NELL1: variants seen among roughly 807,000 people sequenced by gnomAD.
The protein encoded by NELL1 is neural EGFL like 1.
Under a neutral mutation model 107.4 loss-of-function variants are expected in NELL1, and 76 were observed. The observed-to-expected ratio is 0.71, with a 90% confidence interval of 0.59 to 0.86. NELL1 has a LOEUF of 0.86. Among genes scored for constraint, NELL1 ranks in the 40% least tolerant of loss-of-function variants. The pLI, the probability that NELL1 is intolerant of heterozygous loss-of-function variation, is 0.00. For missense variants in NELL1, 1,024 were observed against 1,005.5 expected, an observed-to-expected ratio of 1.02 and a Z score of -0.25; for synonymous variants, 353 against 341.2, an observed-to-expected ratio of 1.03 and a Z score of -0.38.
At chr11:20,709,333 A>T (rs1855054428) in intron 2 of NELL1, among the ~76,000 whole-genome samples, 1 of 152,084 alleles carries the variant, frequency 6.6e-6, no homozygotes, top group African/African-American at 2.4e-5. Flanking sequence ...TGCTTTGTTG[A>T]AGATTAGTTG....
At chr11:21,099,870 C>T (rs972953773) in intron 12 of NELL1, among the ~76,000 whole-genome samples, 10 of 152,070 alleles carry the variant, frequency 6.6e-5, no homozygotes, top group Non-Finnish European at 1.5e-4. Context: ...GATTGGTACC[C>T]TTTTTATTTT....
At chr11:21,204,838 T>C (rs1456055410) in intron 13 of NELL1, among the ~76,000 whole-genome samples, 1 of 152,180 alleles carries the variant, frequency 6.6e-6, no homozygotes, top group Non-Finnish European at 1.5e-5. Flanking sequence ...TAATCCTTTC[T>C]GTTTGTTAAT....
intron 13 of NELL1, among the ~76,000 whole-genome samples, chr11:21,183,777 A>G (rs1218469175): frequency 6.6e-6 from 1 of 151,848 alleles, no homozygotes; most frequent in African/African-American, 2.4e-5. Flanking sequence ...TATTTTAATA[A>G]TGTGATTGGA....
At chr11:21,320,810 T>A (rs1849992365) in intron 14 of NELL1, among the ~76,000 whole-genome samples, 1 of 152,218 alleles carries the variant, frequency 6.6e-6, no homozygotes, top group African/African-American at 2.4e-5. Flanking sequence ...ATGAGACCCC[T>A]GAAATATGCT....
At chr11:21,476,622 A>G (rs1854339585) in intron 15 of NELL1, among the ~76,000 whole-genome samples, 1 of 152,154 alleles carries the variant, frequency 6.6e-6, no homozygotes. Flanking sequence ...CTTCATAAGA[A>G]CCAAAAATCA....
intron 1 of NELL1, among the ~76,000 whole-genome samples, chr11:20,675,375 G>A (rs1854027731): frequency 6.6e-6 from 1 of 152,164 alleles, no homozygotes; most frequent in African/African-American, 2.4e-5. Flanking sequence ...GGGCTTGCAT[G>A]TCATCCGTCA....
intron 14 of NELL1, among the ~76,000 whole-genome samples, chr11:21,318,539 ACTC>A (rs925365231): frequency 6.6e-6 from 1 of 151,896 alleles, no homozygotes; most frequent in Admixed American, 6.6e-5. Flanking sequence ...CCACTCGAGA[ACTC>A]CTTCTTTCAG....
At chr11:21,416,358 G>C (rs1464937735) in intron 15 of NELL1, among the ~76,000 whole-genome samples, 1 of 152,080 alleles carries the variant, frequency 6.6e-6, no homozygotes, top group Non-Finnish European at 1.5e-5. Context: ...AATTAGTGAG[G>C]AGACTGGCTT....
At chr11:20,734,560 G>A (rs1855718283) in intron 2 of NELL1, among the ~76,000 whole-genome samples, 1 of 152,130 alleles carries the variant, frequency 6.6e-6, no homozygotes, top group Admixed American at 6.5e-5. Flanking sequence ...GATTGGATAT[G>A]GAGTATGAGG....
intron 14 of NELL1, among the ~76,000 whole-genome samples, chr11:21,244,799 A>C (rs1858449473): frequency 6.6e-6 from 1 of 152,132 alleles, no homozygotes; most frequent in Non-Finnish European, 1.5e-5. Context: ...TGAGTGGTGA[A>C]GGTCACGGTT....
Position 21,574,618 on chromosome 11 carries a change from C to T in NELL1, c.2383-354C>T, listed in dbSNP as rs77807044. Among the ~76,000 whole-genome samples, 664 of 151,804 alleles carry T rather than the reference C, an allele frequency of 4.4e-3. 6 individuals carry two copies. Among genetic ancestry groups the T allele is most frequent in the Middle Eastern group, 0.017 (5 of 292 alleles). On this transcript the variant is annotated intron_variant, in intron 19 of 19. Coordinates refer to ENST00000357134, the MANE Select transcript of NELL1 (RefSeq NM_006157.5). ...AGCTTCTTAAATGACAAATTGCTATCTTTTAGGGATTTATTTTTGGAAAGA... is the reference window on the plus strand; with the variant it reads ...AGCTTCTTAAATGACAAATTGCTATTTTTTAGGGATTTATTTTTGGAAAGA...
intron 12 of NELL1, among the ~76,000 whole-genome samples, chr11:20,995,314 G>T (rs1852065704): frequency 6.6e-6 from 1 of 152,130 alleles, no homozygotes; most frequent in South Asian, 2.1e-4. Context: ...GGGCGCGGTG[G>T]CTCACACCTG....
chr11:20,767,451 T>A (rs137994982), intron 2 of NELL1, among the ~76,000 whole-genome samples: 146 of 152,324 alleles, frequency 9.6e-4, no homozygotes, highest in Non-Finnish European at 1.6e-3. Flanking sequence ...GAGCACTGAT[T>A]GGGACGTTTT....
At chr11:20,807,597 G>A (rs1857412078) in intron 3 of NELL1, among the ~76,000 whole-genome samples, 1 of 152,182 alleles carries the variant, frequency 6.6e-6, no homozygotes, top group Non-Finnish European at 1.5e-5. Flanking sequence ...TTCAGCAGGT[G>A]GTGCAGCCAG....
At chr11:20,943,327 T>C (rs1850895735) in intron 10 of NELL1, among the ~76,000 whole-genome samples, 1 of 152,004 alleles carries the variant, frequency 6.6e-6, no homozygotes, top group Admixed American at 6.6e-5. Flanking sequence ...CGGCCGGGCA[T>C]GCGGGTCAGC....
At chr11:21,005,892 G>A (rs1286201152) in intron 12 of NELL1, among the ~76,000 whole-genome samples, 1 of 152,120 alleles carries the variant, frequency 6.6e-6, no homozygotes, top group Non-Finnish European at 1.5e-5. Flanking sequence ...TAGCAAAGTA[G>A]CAATCACATA....
intron 12 of NELL1, among the ~76,000 whole-genome samples, chr11:20,987,117 G>T (rs1851869825): frequency 1.3e-5 from 2 of 152,016 alleles, no homozygotes; most frequent in South Asian, 2.1e-4. Flanking sequence ...AACCCCATAA[G>T]GCTGAAACAT....
chr11:21,323,404 C>G (rs1336356100), intron 14 of NELL1, among the ~76,000 whole-genome samples: 1 of 152,102 alleles, frequency 6.6e-6, no homozygotes, highest in Non-Finnish European at 1.5e-5. Flanking sequence ...GTCATTTAGC[C>G]AAATCTACAT....
At chr11:20,755,533 G>GTTT (rs1564894850) in intron 2 of NELL1, among the ~76,000 whole-genome samples, 12 of 60,630 alleles carry the variant, frequency 2.0e-4, no homozygotes, top group African/African-American at 5.1e-4. Context: ...GACCTGTGTG[G>GTTT]GTTTTTGTTT....
Sources: allele counts gnomAD v4.1 joint callset (sites outside exome capture counted in the v4.1 genomes callset), GRCh38; gene constraint gnomAD v4.1.1; transcripts MANE v1.5; gene names NCBI Gene and HGNC (gene_info 2026-07-23, HGNC 2026-07-21).